Variants in RAB22A observed in about 807,000 individuals in gnomAD.
RAB22A encodes the protein ras-related protein Rab-22A.
Under a neutral mutation model 30.2 loss-of-function variants are expected in RAB22A, and 13 were observed. The ratio of observed to expected loss-of-function variants is 0.43; its 90% CI spans 0.28 to 0.68. The LOEUF is 0.68. RAB22A is among the 30% of genes least tolerant of loss of function. The pLI, the probability that RAB22A is intolerant of heterozygous loss-of-function variation, is 0.18. For missense variants in RAB22A, 177 were observed against 246.8 expected, an observed-to-expected ratio of 0.72 and a Z score of 1.89; for synonymous variants, 89 against 87.2, an observed-to-expected ratio of 1.02 and a Z score of -0.11.
In RAB22A at chr20:58,364,372, T is replaced by G. The variant is rs776193404; in HGVS notation, c.*4669T>G. On this transcript the variant is annotated 3_prime_UTR_variant, in exon 7 of 7. Coordinates refer to ENST00000244040, the MANE Select transcript of RAB22A (RefSeq NM_020673.3). ...AATAACTAATATCTGTTTTCTTTCC[T>G]TTTAGAGTATAATCAATTATGGATA... 4.6e-5 allele frequency: 7 copies of G among 152,208 alleles called. No homozygotes were observed. The highest frequency in any genetic ancestry group is 8.8e-5 in the Non-Finnish European group (6 of 68,040). 9.4% of individuals were successfully genotyped at this position (152,208 alleles called of 1,614,324 possible). A position where few individuals can be genotyped will look rare whatever the true frequency, so the allele number is the denominator to read the frequency against.
intron 2 of RAB22A, among the ~76,000 whole-genome samples, chr20:58,324,132 A>G (rs543593803): frequency 6.6e-6 from 1 of 152,330 alleles, no homozygotes; most frequent in East Asian, 1.9e-4. Flanking sequence ...GAGACTGTAT[A>G]AAATTGCTCT....
intron 2 of RAB22A, among the ~76,000 whole-genome samples, chr20:58,335,355 G>A (rs1986730111): frequency 6.6e-6 from 1 of 152,116 alleles, no homozygotes; most frequent in Admixed American, 6.5e-5. Context: ...AATTCTCCAA[G>A]GTTGGCACTT....
At chr20:58,343,828 T>G in intron 3 of RAB22A, 29 bp downstream of exon 3, 1 of 1,531,778 alleles carries the variant, frequency 6.5e-7, no homozygotes, top group Non-Finnish European at 9.0e-7. Flanking sequence ...TACTCTGTTT[T>G]TCTGAGGCCC....
chr20:58,341,346 A>G (rs1397009483), intron 2 of RAB22A, among the ~76,000 whole-genome samples: 3 of 152,148 alleles, frequency 2.0e-5, no homozygotes, highest in Non-Finnish European at 2.9e-5. Flanking sequence ...CCGTCCACAT[A>G]GTTTTGTAAT....
At chr20:58,314,936 A>T (rs1986306061) in intron 2 of RAB22A, among the ~76,000 whole-genome samples, 1 of 152,086 alleles carries the variant, frequency 6.6e-6, no homozygotes, top group African/African-American at 2.4e-5. Flanking sequence ...CAGAATGGGC[A>T]TGAGGGACAG....
At chr20:58,327,692 A>G (rs1329049104) in intron 2 of RAB22A, among the ~76,000 whole-genome samples, 2 of 152,200 alleles carry the variant, frequency 1.3e-5, no homozygotes, top group East Asian at 3.9e-4. Context: ...TGAAAGTAAG[A>G]GTATCCAAAA....
At position 58,309,767 on chromosome 20, in the gene RAB22A, C is replaced by T. The variant is rs1005685427; in HGVS notation, c.-210C>T. ...GCGGCGGCGGCGGCTCCCGGAAGGC[C>T]GCGGCGGCGTCCCGGCTGCTAAGGC... On this transcript the variant is annotated 5_prime_UTR_variant, in exon 1 of 7. Transcript: ENST00000244040. The T allele has an allele frequency of 1.3e-4, 41 of 327,836 alleles. No homozygotes were observed. The East Asian group carries it at 2.1e-3, about 17-fold the overall frequency. 20.3% of individuals were successfully genotyped at this position (327,836 alleles called of 1,614,324 possible). A position where few individuals can be genotyped will look rare whatever the true frequency, so the allele number is the denominator to read the frequency against.
chr20:58,315,766 T>C (rs2122923920), intron 2 of RAB22A, among the ~76,000 whole-genome samples: 1 of 151,794 alleles, frequency 6.6e-6, no homozygotes, highest in Non-Finnish European at 1.5e-5. Context: ...CTCCTTCCCA[T>C]CCTCACATCT....
intron 2 of RAB22A, among the ~76,000 whole-genome samples, chr20:58,321,796 T>C (rs1986466262): frequency 6.6e-6 from 1 of 152,206 alleles, no homozygotes; most frequent in Non-Finnish European, 1.5e-5. Flanking sequence ...CTTAAATGTA[T>C]CTGTGTTATA....
rs1987195003 is a variant in RAB22A at position 58,359,786 on chromosome 20, T to C, written c.*83T>C. The C allele has an allele frequency of 1.6e-6, 2 of 1,265,388 alleles. No individual in the cohort carries two copies. Among genetic ancestry groups the C allele is most frequent in the Non-Finnish European group, 1.1e-6 (1 of 890,248 alleles). 78.4% of individuals were successfully genotyped at this position (1,265,388 alleles called of 1,614,324 possible). On this transcript the variant is annotated 3_prime_UTR_variant, in exon 7 of 7. Coordinates refer to ENST00000244040, the MANE Select transcript of RAB22A (RefSeq NM_020673.3). ...AGGGCTGGGGTCCCTGCCACCAGTTTTCACCTAGCCAGTCTTGAGTCTTCT... is the reference window on the plus strand; with the variant it reads ...AGGGCTGGGGTCCCTGCCACCAGTTCTCACCTAGCCAGTCTTGAGTCTTCT...
chr20:58,332,943 G>T (rs1986686702), intron 2 of RAB22A, among the ~76,000 whole-genome samples: 1 of 152,076 alleles, frequency 6.6e-6, no homozygotes. Context: ...AACAGTGGAG[G>T]TCAGAGTATA....
intron 1 of RAB22A, 45 bp from the exon 2 acceptor site, chr20:58,310,998 C>T: frequency 6.6e-7 from 1 of 1,507,522 alleles, no homozygotes; most frequent in Non-Finnish European, 9.2e-7. Flanking sequence ...TGGTGTCTGC[C>T]AAAAGGTAAA....
At chr20:58,319,679 A>G (rs974553721) in intron 2 of RAB22A, among the ~76,000 whole-genome samples, 9 of 152,234 alleles carry the variant, frequency 5.9e-5, no homozygotes, top group Admixed American at 3.9e-4. Context: ...TTTTTGATCC[A>G]GGAACATGAT....
chr20:58,353,190 A>C, intron 3 of RAB22A, 83 bp from the exon 4 acceptor site: 2 of 1,221,894 alleles, frequency 1.6e-6, no homozygotes, highest in East Asian at 4.7e-5. Flanking sequence ...CTTTTTGTGC[A>C]GGGATAATGG....
chr20:58,317,610 G>C (rs1485907199), intron 2 of RAB22A, among the ~76,000 whole-genome samples: 1 of 144,636 alleles, frequency 6.9e-6, no homozygotes, highest in East Asian at 2.1e-4. Context: ...CCAGGCTGGA[G>C]TGCAGTGGCG....
At chr20:58,346,497 G>T (rs1986951364) in intron 3 of RAB22A, among the ~76,000 whole-genome samples, 1 of 152,236 alleles carries the variant, frequency 6.6e-6, no homozygotes, top group Non-Finnish European at 1.5e-5. Context: ...CTGGAGCCCA[G>T]CTGGCTCCTT....
chr20:58,361,355 C>T lies in RAB22A; in HGVS notation c.*1652C>T, dbSNP rs539813050. 8.0e-4 allele frequency: 122 copies of T among 152,572 alleles called. 2 individuals carry two copies. The highest frequency in any genetic ancestry group is 2.8e-3 in the African/African-American group (115 of 41,562). 9.5% of individuals were successfully genotyped at this position (152,572 alleles called of 1,614,324 possible). A position where few individuals can be genotyped will look rare whatever the true frequency, so the allele number is the denominator to read the frequency against. ...AGATTTTAATGGGAAAATTATAATT[C>T]AGATTAAATAAAAAACAATTCCCTT... On this transcript the variant is annotated 3_prime_UTR_variant, in exon 7 of 7. Transcript: ENST00000244040.
At chr20:58,351,946 A>T (rs8122652) in intron 3 of RAB22A, among the ~76,000 whole-genome samples, 1 of 152,228 alleles carries the variant, frequency 6.6e-6, no homozygotes, top group African/African-American at 2.4e-5. Flanking sequence ...TAAGAGGACT[A>T]CTATAAATAT....
intron 2 of RAB22A, among the ~76,000 whole-genome samples, chr20:58,318,278 A>G (rs372143725): frequency 6.6e-6 from 1 of 152,238 alleles, no homozygotes; most frequent in East Asian, 1.9e-4. Context: ...AGTGTTGTAT[A>G]ACAGTGCCCT....
Sources: allele counts gnomAD v4.1 joint callset (sites outside exome capture counted in the v4.1 genomes callset), GRCh38; gene constraint gnomAD v4.1.1; transcripts MANE v1.5; gene names NCBI Gene and HGNC (gene_info 2026-07-23, HGNC 2026-07-21).